The following ENOSF1 variants were observed in gnomAD, a reference collection of about 807,000 sequenced individuals.
The protein encoded by ENOSF1 is enolase superfamily member 1.
In ENOSF1, 73 loss-of-function variants were observed where a neutral mutation model predicts 68.2. That is an observed-to-expected ratio of 1.07 (90% CI 0.89 to 1.30). The LOEUF (loss-of-function observed/expected upper bound fraction) is 1.30, where lower values mean the gene tolerates loss of function less well. ENOSF1 is among the 50% of genes most tolerant of loss of function. ENOSF1 has a pLI of 0.00. For synonymous variants in ENOSF1, 223 were observed against 210.4 expected (o/e 1.06, Z -0.52); for missense variants, 589 against 554.5 (o/e 1.06, Z -0.62).
At chr18:710,690 C>T (rs1273509669) in intron 1 of ENOSF1, among the ~76,000 whole-genome samples, 3 of 152,192 alleles carry the variant, frequency 2.0e-5, no homozygotes, top group Non-Finnish European at 2.9e-5. Context: ...ACTTTACTGA[C>T]GGCCTTCTCT....
At chr18:690,805 T>C in intron 7 of ENOSF1, 174 bp from the exon 8 acceptor site, 1 of 1,470,152 alleles carries the variant, frequency 6.8e-7, no homozygotes, top group Non-Finnish European at 9.0e-7. Context: ...ATCAGGATAC[T>C]CTCACGGACT....
chr18:678,657 C>G, intron 12 of ENOSF1, 39 bp downstream of exon 12: 1 of 1,610,530 alleles, frequency 6.2e-7, no homozygotes, highest in African/African-American at 1.3e-5. Flanking sequence ...TGTACTGACC[C>G]CAAGGGGACG....
At chr18:685,301 G>T (rs1448887787) in intron 10 of ENOSF1, among the ~76,000 whole-genome samples, 1 of 151,638 alleles carries the variant, frequency 6.6e-6, no homozygotes, top group Non-Finnish European at 1.5e-5. Context: ...CACAGCATCT[G>T]GCCAGCCCAG....
At chr18:691,165 G>A (rs2077121014) in intron 6 of ENOSF1, 39 bp downstream of exon 6, 1 of 1,613,098 alleles carries the variant, frequency 6.2e-7, no homozygotes, top group Middle Eastern at 1.7e-4. Flanking sequence ...CCACTACTGT[G>A]TGTGCACGTC....
intron 9 of ENOSF1, chr18:688,215 A>G (rs1009372306): frequency 3.2e-5 from 7 of 219,122 alleles, no homozygotes; most frequent in Admixed American, 3.2e-4. Flanking sequence ...CAAAGCCCTC[A>G]AAGAATGGAA....
At chr18:704,955 C>CAGG (rs10686993) in intron 2 of ENOSF1, among the ~76,000 whole-genome samples, 93,994 of 151,662 alleles carry the variant, frequency 0.62, 29,722 homozygotes, top group African/African-American at 0.77. Context: ...TGGCAGCACT[C>CAGG]AGAAGTCTGC....
chr18:686,452 G>C (rs2076618178), intron 9 of ENOSF1: 3 of 167,380 alleles, frequency 1.8e-5, no homozygotes, highest in African/African-American at 7.2e-5. Flanking sequence ...TGAGAGGAAG[G>C]CCACAGGGAT....
rs1478808409 is a variant in ENOSF1 at position 683,378 on chromosome 18, C to G, written c.744G>C (p.Met248Ile). The part of the protein sequence containing the change: ...RDMIGPEKTL[M>I]MDANQRWDVP... ...CATCCCAGCGCTGGTTGGCATCCAT[C>G]ATCTGCAAAAAGAGACTCTTCACAG... is the stretch of plus-strand genomic sequence containing the variant. Residue 248 changes from methionine to isoleucine, a missense_variant and splice_region_variant, in exon 11 of 16, where the codon ATG (methionine) becomes ATC (isoleucine). Coordinates refer to ENST00000647584, the MANE Select transcript of ENOSF1 (RefSeq NM_017512.7). The G allele has an allele frequency of 6.2e-7, 1 of 1,613,876 alleles. No individual in the cohort carries two copies. The highest frequency in any genetic ancestry group is 8.5e-7 in the Non-Finnish European group (1 of 1,179,954).
chr18:679,156 A>G (rs985282490), intron 11 of ENOSF1, among the ~76,000 whole-genome samples: 7 of 150,132 alleles, frequency 4.7e-5, no homozygotes, highest in African/African-American at 1.7e-4. Flanking sequence ...CACTCCATCA[A>G]TTCCCTTCTT....
chr18:706,777 A>G, intron 1 of ENOSF1, 199 bp from the exon 2 acceptor site: 1 of 377,484 alleles, frequency 2.6e-6, no homozygotes, highest in Non-Finnish European at 4.8e-6. Flanking sequence ...AAAGATCCAA[A>G]ATGTTTCAAC....
rs552444783 is a variant in ENOSF1 at position 707,440 on chromosome 18, T to C, written c.85-862A>G. ...AACAAGCCAAAGGTTCAGAAAACTG[T>C]TGCATAAAATTGGAGTGATCTCACT... On this transcript the variant is annotated intron_variant, in intron 1 of 15. Transcript: ENST00000647584. Among the ~76,000 whole-genome samples, 3 of 152,324 alleles carry C rather than the reference T, an allele frequency of 2.0e-5. No homozygotes were observed. In the East Asian group the frequency reaches 5.8e-4, roughly 29 times the overall value.
intron 2 of ENOSF1, among the ~76,000 whole-genome samples, chr18:700,083 G>A (rs2078165546): frequency 6.6e-6 from 1 of 152,108 alleles, no homozygotes; most frequent in South Asian, 2.1e-4. Flanking sequence ...TCCATCTCAA[G>A]AAAAAGAAAG....
chr18:712,291 A>T, intron 1 of ENOSF1: 1 of 1,526,574 alleles, frequency 6.6e-7, no homozygotes, highest in South Asian at 1.2e-5. Context: ...CGAAGTCGGG[A>T]AGCTGCCCGG....
At chr18:693,095 A>C in intron 5 of ENOSF1, 8 of 1,288,864 alleles carry the variant, frequency 6.2e-6, no homozygotes, top group Non-Finnish European at 6.1e-6. Flanking sequence ...CCGGACTCAC[A>C]GCCAGCTCTG....
At position 678,500 on chromosome 18, in the gene ENOSF1, T is replaced by C. The variant is rs901945503; in HGVS notation, c.918+196A>G. 11 of 568,862 alleles carry C rather than the reference T, an allele frequency of 1.9e-5. No homozygotes were observed. In the Admixed American group the frequency reaches 2.5e-4, roughly 13 times the overall value. 35.2% of individuals were successfully genotyped at this position (568,862 alleles called of 1,614,324 possible). A position where few individuals can be genotyped will look rare whatever the true frequency, so the allele number is the denominator to read the frequency against. Reference sequence around the variant, plus strand: ...GATACCCGACCTTAGTCATATAAATTGGAGAAATAGCCACAAACTTTTTCT... The same window carrying C: ...GATACCCGACCTTAGTCATATAAATCGGAGAAATAGCCACAAACTTTTTCT... On this transcript the variant is annotated intron_variant, in intron 12 of 15. Coordinates refer to ENST00000647584, the MANE Select transcript of ENOSF1 (RefSeq NM_017512.7).
At chr18:702,889 CCT>C (rs1381850277) in intron 2 of ENOSF1, among the ~76,000 whole-genome samples, 2 of 152,058 alleles carry the variant, frequency 1.3e-5, no homozygotes, top group Non-Finnish European at 2.9e-5. Context: ...AACAACCCTC[CCT>C]CTCTGTCTCA....
rs2075132819 is a variant in ENOSF1, at chr18:672,880, T to C, written c.*1425A>G. 6.3e-7 allele frequency: 1 copy of C among 1,585,632 alleles called. No homozygotes were observed. The highest frequency in any genetic ancestry group is 8.6e-7 in the Non-Finnish European group (1 of 1,158,076). On this transcript the variant is annotated 3_prime_UTR_variant, in exon 16 of 16. Transcript: ENST00000647584. ...TTTAGCTTCAGCGAGAACCCAGACC[T>C]TTCCCAAAGCTCAGGATTCTTCGAA... is the stretch of plus-strand genomic sequence containing the variant.
chr18:682,753 C>T lies in ENOSF1; in HGVS notation c.876+493G>A, dbSNP rs923326347. ...AAAAAAAAAGCCAGGCATGGTGGCA[C>T]ACATCTGTAGTCCCAGCTACTCAGG... On this transcript the variant is annotated intron_variant, in intron 11 of 15. Coordinates refer to ENST00000647584, the MANE Select transcript of ENOSF1 (RefSeq NM_017512.7). 3.4e-5 allele frequency among the ~76,000 whole-genome samples: 5 copies of T among 146,908 alleles called. No individual in the cohort carries two copies. In the East Asian group the frequency reaches 1.0e-3, roughly 30 times the overall value.
At chr18:669,117 C>CCAT, downstream of ENOSF1, 1 of 1,614,174 alleles carries the variant, frequency 6.2e-7, no homozygotes, top group Non-Finnish European at 8.5e-7. Flanking sequence ...GTGATTGACA[C>CCAT]CATCAAAACC....
Sources: allele counts gnomAD v4.1 joint callset (sites outside exome capture counted in the v4.1 genomes callset), GRCh38; gene constraint gnomAD v4.1.1; transcripts MANE v1.5; gene names NCBI Gene and HGNC (gene_info 2026-07-23, HGNC 2026-07-21).